The following MACC1 variants were observed in gnomAD, a reference collection of about 807,000 sequenced individuals.
The protein encoded by MACC1 is metastasis-associated in colon cancer protein 1.
MACC1 carries 79 observed loss-of-function variants against 70.7 expected under a neutral mutation model. That is an observed-to-expected ratio of 1.12 (90% CI 0.93 to 1.35). The LOEUF (loss-of-function observed/expected upper bound fraction) is 1.35, where lower values mean the gene tolerates loss of function less well. Ranked by LOEUF, MACC1 falls within the 40% of genes most tolerant of loss-of-function variation. MACC1 has a pLI of 0.00. For synonymous variants in MACC1, 361 were observed against 347.2 expected, an observed-to-expected ratio of 1.04 and a Z score of -0.44; for missense variants, 1,106 against 978.1, an observed-to-expected ratio of 1.13 and a Z score of -1.74.
At chr7:20,206,787 C>T (rs187513633) in intron 1 of MACC1, among the ~76,000 whole-genome samples, 2 of 152,324 alleles carry the variant, frequency 1.3e-5, no homozygotes, top group East Asian at 3.9e-4. Context: ...TCCTTCCAAA[C>T]CTGTTTCTCT....
At chr7:20,157,190 A>C (rs1168543979) in intron 5 of MACC1, among the ~76,000 whole-genome samples, 1 of 152,232 alleles carries the variant, frequency 6.6e-6, no homozygotes, top group African/African-American at 2.4e-5. Flanking sequence ...CTAAATAAGC[A>C]CTAGAGAAGC....
At chr7:20,153,107 T>C (rs1217891119) in intron 6 of MACC1, among the ~76,000 whole-genome samples, 1 of 152,208 alleles carries the variant, frequency 6.6e-6, no homozygotes, top group Non-Finnish European at 1.5e-5. Context: ...GGGAAAGACA[T>C]CCTCAGTCCC....
intron 2 of MACC1, 90 bp from the exon 3 acceptor site, chr7:20,164,489 T>A (rs894977884): frequency 6.6e-6 from 1 of 152,140 alleles, no homozygotes; most frequent in African/African-American, 2.4e-5. Context: ...GAAGCATGTG[T>A]TTCCAGGCAT....
At chr7:20,216,744 C>T (rs140324223) in intron 1 of MACC1, among the ~76,000 whole-genome samples, 1 of 152,276 alleles carries the variant, frequency 6.6e-6, no homozygotes, top group African/African-American at 2.4e-5. Context: ...AACTTAATTA[C>T]ATGATTATCT....
At chr7:20,141,278 C>T in intron 6 of MACC1, 120 bp from the exon 7 acceptor site, 2 of 609,448 alleles carry the variant, frequency 3.3e-6, no homozygotes, top group Non-Finnish European at 5.4e-6. Context: ...ACCAATTACA[C>T]ATGGACTTAT....
rs560498778 is a variant in MACC1 at position 20,189,495 on chromosome 7, T to C, written c.-217-18717A>G. Among the ~76,000 whole-genome samples the C allele has an allele frequency of 1.8e-4, 27 of 152,322 alleles. No homozygotes were observed. In the South Asian group the frequency reaches 2.1e-3, roughly 12 times the overall value. Reference sequence around the variant, plus strand: ...AATTACATTAATAGAATAAAAGTCATTGCGGCAAATCAATGGAGGTTTGTA... The same window carrying C: ...AATTACATTAATAGAATAAAAGTCACTGCGGCAAATCAATGGAGGTTTGTA... On this transcript the variant is annotated intron_variant, in intron 1 of 6. Transcript: ENST00000400331.
chr7:20,169,146 T>G (rs1782263781), intron 2 of MACC1, among the ~76,000 whole-genome samples: 1 of 152,220 alleles, frequency 6.6e-6, no homozygotes, highest in Admixed American at 6.5e-5. Flanking sequence ...GAAAAACATT[T>G]AATGACTTCT....
intron 1 of MACC1, among the ~76,000 whole-genome samples, chr7:20,187,581 C>T (rs988139511): frequency 6.6e-6 from 1 of 152,152 alleles, no homozygotes; most frequent in African/African-American, 2.4e-5. Context: ...GTTTCTTTGA[C>T]TAGCTAATGG....
intron 3 of MACC1, among the ~76,000 whole-genome samples, chr7:20,162,912 A>C (rs1327987751): frequency 6.6e-6 from 1 of 152,166 alleles, no homozygotes; most frequent in Admixed American, 6.5e-5. Flanking sequence ...GCAATATGCA[A>C]ATCCTAAAAA....
At chr7:20,196,378 C>T (rs565397450) in intron 1 of MACC1, among the ~76,000 whole-genome samples, 65 of 152,174 alleles carry the variant, frequency 4.3e-4, no homozygotes, top group African/African-American at 1.5e-3. Context: ...GACGGGGTTT[C>T]ACCGTGTTAG....
At chr7:20,167,482 C>G (rs1562589225) in intron 2 of MACC1, among the ~76,000 whole-genome samples, 1 of 152,004 alleles carries the variant, frequency 6.6e-6, no homozygotes, top group South Asian at 2.1e-4. Flanking sequence ...AGGCATGAGC[C>G]ACTATGCCTG....
chr7:20,148,874 T>C (rs1280207462), intron 6 of MACC1, among the ~76,000 whole-genome samples: 2 of 152,220 alleles, frequency 1.3e-5, no homozygotes, highest in Non-Finnish European at 2.9e-5. Context: ...ACAACTGGTA[T>C]GTGAATTTCC....
intron 1 of MACC1, among the ~76,000 whole-genome samples, chr7:20,208,580 T>A (rs1390323586): frequency 6.6e-6 from 1 of 152,014 alleles, no homozygotes; most frequent in Non-Finnish European, 1.5e-5. Context: ...GCAGAAAAAA[T>A]TTCTAAGTGG....
chr7:20,209,131 C>G (rs1461486224), intron 1 of MACC1, among the ~76,000 whole-genome samples: 1 of 152,202 alleles, frequency 6.6e-6, no homozygotes, highest in Non-Finnish European at 1.5e-5. Context: ...AGAACCTCTA[C>G]TAGGGCAGGG....
At chr7:20,171,657 C>A (rs898416597) in intron 1 of MACC1, among the ~76,000 whole-genome samples, 9 of 151,392 alleles carry the variant, frequency 5.9e-5, no homozygotes, top group African/African-American at 2.2e-4. Context: ...TCTCAGCTCG[C>A]TGCAACCTCC....
intron 2 of MACC1, among the ~76,000 whole-genome samples, chr7:20,169,359 T>C (rs1054189677): frequency 4.6e-5 from 7 of 152,354 alleles, no homozygotes; most frequent in Admixed American, 6.5e-5. Context: ...TTTTCTTTCC[T>C]GTACCCTTCA....
Position 20,158,362 on chromosome 7 carries a change from A to G in MACC1, c.1999T>C (p.Leu667=), listed in dbSNP as rs771514901. ...TGTGAGTAACCCAGGACATCAGCTAAAACTTTCCAATCATAAACTTTTTCT... is the reference window on the plus strand; with the variant it reads ...TGTGAGTAACCCAGGACATCAGCTAGAACTTTCCAATCATAAACTTTTTCT... ...VSEKVYDWKV[L]ADVLGYSHLS... The change falls in exon 5 of 7, where the codon TTA becomes CTA. Residue 667 remains leucine (L), a synonymous_variant. Coordinates refer to ENST00000400331, the MANE Select transcript of MACC1 (RefSeq NM_182762.4). The G allele has an allele frequency of 1.2e-6, 2 of 1,613,856 alleles. No individual in the cohort carries two copies. Among genetic ancestry groups the G allele is most frequent in the South Asian group, 2.2e-5 (2 of 91,022 alleles).
chr7:20,135,380 T>C lies in MACC1; in HGVS notation c.*5566A>G, dbSNP rs1229560370. 1.3e-5 allele frequency: 2 copies of C among 152,234 alleles called. No individual in the cohort carries two copies. The highest frequency in any genetic ancestry group is 2.9e-5 in the Non-Finnish European group (2 of 68,042). The allele number at this position is 152,234 out of a possible 1,614,324, so 9.4% of individuals were successfully genotyped here. A position where few individuals can be genotyped will look rare whatever the true frequency, so the allele number is the denominator to read the frequency against. On this transcript the variant is annotated 3_prime_UTR_variant, in exon 7 of 7. Transcript: ENST00000400331. ...CTTAACATAAAGTGATTTTCGGTTC[T>C]TTAGCACAATTTTTAAAACAATTTC... is the stretch of plus-strand genomic sequence containing the variant.
intron 1 of MACC1, among the ~76,000 whole-genome samples, chr7:20,193,651 T>C (rs1297803554): frequency 6.6e-6 from 1 of 152,184 alleles, no homozygotes; most frequent in Non-Finnish European, 1.5e-5. Context: ...ATGACTGCCA[T>C]GCCCAAAGCT....
Sources: gnomAD v4.1 joint callset for allele counts (sites outside exome capture counted in the v4.1 genomes callset) on GRCh38, gnomAD v4.1.1 for gene constraint, MANE v1.5 for transcripts, NCBI Gene and HGNC (gene_info 2026-07-23, HGNC 2026-07-21) for gene names.